The following ADGRL3 variants were observed in gnomAD, a reference collection of about 807,000 sequenced individuals.
The protein encoded by ADGRL3 is adhesion G protein-coupled receptor L3, also known as calcium-independent alpha-latrotoxin receptor 3.
In ADGRL3, 62 loss-of-function variants were observed where a neutral mutation model predicts 153.5. That is an observed-to-expected ratio of 0.40 (90% confidence interval 0.33 to 0.50). ADGRL3 has a LOEUF of 0.50. Among genes scored for constraint, ADGRL3 ranks in the 20% least tolerant of loss-of-function variants. ADGRL3 has a pLI of 0.47. For synonymous variants in ADGRL3, 710 were observed against 672.5 expected, an observed-to-expected ratio of 1.06 and a Z score of -0.86; for missense variants, 1,641 against 1,859.4, an observed-to-expected ratio of 0.88 and a Z score of 2.16.
At chr4:61,573,158 T>G (rs1161381189) in intron 4 of ADGRL3, among the ~76,000 whole-genome samples, 2 of 152,018 alleles carry the variant, frequency 1.3e-5, no homozygotes, top group African/African-American at 4.8e-5. Flanking sequence ...AGCAGGATAT[T>G]CTGTCGTATT....
chr4:61,748,617 C>A (rs1177245020), intron 8 of ADGRL3, among the ~76,000 whole-genome samples: 1 of 152,096 alleles, frequency 6.6e-6, no homozygotes, highest in Non-Finnish European at 1.5e-5. Context: ...GTAAAGGATT[C>A]CCTATTTAAT....
At chr4:61,281,698 G>C (rs2093730171) in intron 1 of ADGRL3, among the ~76,000 whole-genome samples, 1 of 152,092 alleles carries the variant, frequency 6.6e-6, no homozygotes, top group African/African-American at 2.4e-5. Context: ...TTCGTTATTA[G>C]ATCCAGGATG....
At chr4:61,955,418 T>C (rs997561690) in intron 17 of ADGRL3, among the ~76,000 whole-genome samples, 1 of 152,192 alleles carries the variant, frequency 6.6e-6, no homozygotes, top group South Asian at 2.1e-4. Flanking sequence ...CTTTCATTCA[T>C]TGTAGCTATC....
At chr4:61,207,618 CACG>C (rs1158569757) in intron 1 of ADGRL3, among the ~76,000 whole-genome samples, 2 of 152,100 alleles carry the variant, frequency 1.3e-5, no homozygotes, top group Admixed American at 6.5e-5. Flanking sequence ...CTTGAGGAAT[CACG>C]ACACCATCTT....
chr4:61,237,837 A>G (rs1431815274), intron 1 of ADGRL3, among the ~76,000 whole-genome samples: 2 of 152,174 alleles, frequency 1.3e-5, no homozygotes, highest in East Asian at 3.9e-4. Context: ...CATTTTGCAT[A>G]TCAACATCAT....
intron 8 of ADGRL3, among the ~76,000 whole-genome samples, chr4:61,764,495 A>G (rs1489287102): frequency 6.6e-6 from 1 of 151,100 alleles, no homozygotes; most frequent in African/African-American, 2.5e-5. Flanking sequence ...AGGATGAGCC[A>G]GGAAAAGGAC....
intron 9 of ADGRL3, among the ~76,000 whole-genome samples, chr4:61,877,357 G>T (rs927644905): frequency 2.6e-5 from 4 of 152,158 alleles, no homozygotes; most frequent in Non-Finnish European, 5.9e-5. Flanking sequence ...TAGAGTTGTA[G>T]AACAGTTTAG....
In ADGRL3 at chr4:61,696,897, G is replaced by A. The variant is rs563490291; in HGVS notation, c.583+19962G>A. 1.1e-4 allele frequency among the ~76,000 whole-genome samples: 17 copies of A among 151,880 alleles called. No individual in the cohort carries two copies. The East Asian group carries it at 2.5e-3, about 23-fold the overall frequency. ...TCACCATGTTGGTGAGGCTGGTCTCGAACTCCTGACCTCAAGTGATCTGCC... is the reference window on the plus strand; with the variant it reads ...TCACCATGTTGGTGAGGCTGGTCTCAAACTCCTGACCTCAAGTGATCTGCC... On this transcript the variant is annotated intron_variant, in intron 6 of 26. Coordinates refer to ENST00000683033, the MANE Select transcript of ADGRL3 (RefSeq NM_001387552.1).
At chr4:61,521,752 T>C (rs2098532485) in intron 4 of ADGRL3, among the ~76,000 whole-genome samples, 1 of 152,100 alleles carries the variant, frequency 6.6e-6, no homozygotes, top group African/African-American at 2.4e-5. Flanking sequence ...GTGTACCATT[T>C]ACTGAGATAA....
intron 2 of ADGRL3, among the ~76,000 whole-genome samples, chr4:61,391,010 A>G (rs1458301138): frequency 6.6e-6 from 1 of 152,212 alleles, no homozygotes; most frequent in Non-Finnish European, 1.5e-5. Context: ...ATTTTATTGT[A>G]TAGATGTATC....
chr4:61,721,510 A>G (rs1458595796), intron 6 of ADGRL3, among the ~76,000 whole-genome samples: 1 of 152,210 alleles, frequency 6.6e-6, no homozygotes, highest in African/African-American at 2.4e-5. Context: ...CTGCGCTGGC[A>G]GCTGATTAGA....
At chr4:62,051,403 GT>G (rs939409267) in intron 25 of ADGRL3, among the ~76,000 whole-genome samples, 4 of 151,276 alleles carry the variant, frequency 2.6e-5, no homozygotes, top group African/African-American at 9.7e-5. Context: ...AATTTTCAGA[GT>G]TAAGTCTCCA....
intron 1 of ADGRL3, among the ~76,000 whole-genome samples, chr4:61,248,634 ATT>A (rs1758003344): frequency 6.6e-6 from 1 of 152,146 alleles, no homozygotes; most frequent in Non-Finnish European, 1.5e-5. Context: ...GCTATCTTAT[ATT>A]TGTCTAAAAT....
chr4:61,743,511 A>T lies in ADGRL3; in HGVS notation c.1399+9957A>T, dbSNP rs983956777. On this transcript the variant is annotated intron_variant, in intron 8 of 26. Coordinates refer to ENST00000683033, the MANE Select transcript of ADGRL3 (RefSeq NM_001387552.1). ...CCTTTCAAAACAAGAAAATAGTACT[A>T]TATTTAGAAACACACTACTCATTAA... Among the ~76,000 whole-genome samples the T allele has an allele frequency of 3.3e-5, 5 of 152,132 alleles. No homozygotes were observed. In the South Asian group the frequency reaches 1.0e-3, roughly 31 times the overall value.
chr4:61,822,396 G>T (rs1370938458), intron 9 of ADGRL3, among the ~76,000 whole-genome samples: 1 of 151,948 alleles, frequency 6.6e-6, no homozygotes, highest in Non-Finnish European at 1.5e-5. Flanking sequence ...GTCTCACAAG[G>T]ATCCTATTAC....
intron 1 of ADGRL3, among the ~76,000 whole-genome samples, chr4:61,288,362 C>T (rs1348318212): frequency 1.6e-5 from 2 of 127,456 alleles, no homozygotes; most frequent in Non-Finnish European, 3.5e-5. Context: ...ATGGTTTGGC[C>T]TTGAAATTGA....
chr4:61,242,259 A>G (rs1755265824), intron 1 of ADGRL3, among the ~76,000 whole-genome samples: 1 of 151,988 alleles, frequency 6.6e-6, no homozygotes, highest in South Asian at 2.1e-4. Flanking sequence ...GATTGTGTCT[A>G]TTATGTCACA....
chr4:61,856,960 C>CTT (rs1195792062), intron 9 of ADGRL3, among the ~76,000 whole-genome samples: 2 of 67,062 alleles, frequency 3.0e-5, no homozygotes, highest in East Asian at 4.7e-4. Context: ...CTCTTTCTTT[C>CTT]TTTCTTTCTT....
chr4:61,406,801 A>G (rs932781102), intron 2 of ADGRL3, among the ~76,000 whole-genome samples: 1 of 152,002 alleles, frequency 6.6e-6, no homozygotes, highest in Non-Finnish European at 1.5e-5. Context: ...TGGTAAAAAT[A>G]TAAAACACTG....
Sources: gnomAD v4.1 joint callset for allele counts (sites outside exome capture counted in the v4.1 genomes callset) on GRCh38, gnomAD v4.1.1 for gene constraint, MANE v1.5 for transcripts, NCBI Gene and HGNC (gene_info 2026-07-23, HGNC 2026-07-21) for gene names.